ADAMTS16: variants seen among roughly 807,000 people sequenced by gnomAD.
ADAMTS16 encodes ADAM metallopeptidase with thrombospondin type 1 motif 16.
A neutral mutation model predicts 145.8 loss-of-function variants in ADAMTS16; 94 were observed. That is an observed-to-expected ratio of 0.64 (90% CI 0.55 to 0.77). The LOEUF (loss-of-function observed/expected upper bound fraction) is 0.77, where lower values mean the gene tolerates loss of function less well. ADAMTS16 is among the 30% of genes least tolerant of loss of function. The pLI, the probability that ADAMTS16 is intolerant of heterozygous loss-of-function variation, is 0.00. For missense variants in ADAMTS16, 1,585 were observed against 1,591.5 expected (o/e 1.00, Z 0.07); for synonymous variants, 659 against 604.3 (o/e 1.09, Z -1.33).
In ADAMTS16 at chr5:5,202,735, A is replaced by G. The variant is rs139494621; in HGVS notation, c.1451+2466A>G. Among the ~76,000 whole-genome samples, 367 of 152,330 alleles carry G rather than the reference A, an allele frequency of 2.4e-3. 2 individuals are homozygous for G. Among genetic ancestry groups the G allele is most frequent in the African/African-American group, 8.2e-3 (341 of 41,574 alleles). On this transcript the variant is annotated intron_variant, in intron 9 of 22. Transcript: ENST00000274181. The stretch of plus-strand genomic sequence containing the variant: ...TTAATCGTTATGAGGAAGATACAGT[A>G]ACACTTTTTCTATTTTGAAATATCC...
rs151301057 is a variant in ADAMTS16, at chr5:5,228,136, T to C, written c.1702-4232T>C. Among the ~76,000 whole-genome samples, 749 of 152,328 alleles carry C rather than the reference T, an allele frequency of 4.9e-3. 4 individuals carry two copies. The highest frequency in any genetic ancestry group is 0.017 in the African/African-American group (701 of 41,584). On this transcript the variant is annotated intron_variant, in intron 11 of 22. Coordinates refer to ENST00000274181, the MANE Select transcript of ADAMTS16 (RefSeq NM_139056.4). ...ACTTAAAATGCTGTTAAATAATCCC[T>C]AAACATCAAAGGCAGAATGAAACAT...
At chr5:5,168,636 AT>A (rs1385375121) in intron 3 of ADAMTS16, among the ~76,000 whole-genome samples, 3,017 of 52,044 alleles carry the variant, frequency 0.058, 133 homozygotes, top group African/African-American at 0.15. Flanking sequence ...TATATATAAT[AT>A]ATATAATTAT....
chr5:5,253,631 G>A (rs1028813097), intron 17 of ADAMTS16, among the ~76,000 whole-genome samples: 2 of 152,040 alleles, frequency 1.3e-5, no homozygotes, highest in Admixed American at 6.6e-5. Flanking sequence ...AATGCAACCC[G>A]CACTTCCTGC....
intron 8 of ADAMTS16, among the ~76,000 whole-genome samples, chr5:5,193,156 TGTGTGTGC>T (rs1300279570): frequency 7.7e-5 from 11 of 142,266 alleles, no homozygotes; most frequent in Non-Finnish European, 1.1e-4. Context: ...TGTGTGTGTG[TGTGTGTGC>T]GCGCGCGCAC....
intron 2 of ADAMTS16, among the ~76,000 whole-genome samples, chr5:5,143,327 C>G (rs1325422590): frequency 6.6e-6 from 1 of 152,046 alleles, no homozygotes; most frequent in Non-Finnish European, 1.5e-5. Context: ...AGTATATGAA[C>G]AGACAATTTT....
intron 2 of ADAMTS16, among the ~76,000 whole-genome samples, chr5:5,141,405 C>T (rs1172956861): frequency 6.6e-6 from 1 of 152,212 alleles, no homozygotes; most frequent in African/African-American, 2.4e-5. Context: ...CATGCTTTTA[C>T]TTCTGCCACT....
chr5:5,258,142 G>T (rs1027925860), intron 17 of ADAMTS16, among the ~76,000 whole-genome samples: 1 of 152,188 alleles, frequency 6.6e-6, no homozygotes, highest in South Asian at 2.1e-4. Context: ...GAGGTTGAAT[G>T]ACATCGGAAT....
At chr5:5,288,464 C>G (rs891406938) in intron 18 of ADAMTS16, among the ~76,000 whole-genome samples, 4 of 152,138 alleles carry the variant, frequency 2.6e-5, no homozygotes, top group African/African-American at 9.7e-5. Context: ...TAAGGGAAAC[C>G]TGTTTGGAAC....
intron 3 of ADAMTS16, among the ~76,000 whole-genome samples, chr5:5,151,802 A>G (rs528063622): frequency 1.3e-5 from 2 of 152,076 alleles, no homozygotes; most frequent in African/African-American, 4.8e-5. Context: ...ATTATTAAGT[A>G]TAGTCTTCCT....
intron 18 of ADAMTS16, among the ~76,000 whole-genome samples, chr5:5,284,812 T>G (rs1739048084): frequency 6.6e-6 from 1 of 152,228 alleles, no homozygotes; most frequent in African/African-American, 2.4e-5. Context: ...GAGGGGTTTG[T>G]AATTTTTCTG....
intron 3 of ADAMTS16, among the ~76,000 whole-genome samples, chr5:5,148,355 C>T (rs10462802): frequency 0.38 from 57,273 of 152,050 alleles, 11,937 homozygotes; most frequent in Middle Eastern, 0.56. Flanking sequence ...AGCCCAGGGG[C>T]GATCACTTTG....
chr5:5,243,733 G>A (rs1737360957), intron 17 of ADAMTS16, among the ~76,000 whole-genome samples: 1 of 152,180 alleles, frequency 6.6e-6, no homozygotes, highest in Admixed American at 6.5e-5. Flanking sequence ...TGTAGAGAAT[G>A]GCCAGTCGAT....
chr5:5,265,985 AGTGT>A (rs71604122), intron 18 of ADAMTS16, among the ~76,000 whole-genome samples: 23,674 of 140,898 alleles, frequency 0.17, 1,934 homozygotes, highest in Middle Eastern at 0.25. Flanking sequence ...GACTTAAAGA[AGTGT>A]GTGTGTGTGT....
At chr5:5,281,975 G>A (rs917789125) in intron 18 of ADAMTS16, among the ~76,000 whole-genome samples, 38 of 152,154 alleles carry the variant, frequency 2.5e-4, no homozygotes, top group Admixed American at 2.4e-3. Context: ...GTGTAATAAC[G>A]TGACAAGTTA....
At chr5:5,299,135 T>G (rs1023096247) in intron 18 of ADAMTS16, among the ~76,000 whole-genome samples, 3 of 152,268 alleles carry the variant, frequency 2.0e-5, no homozygotes, top group Non-Finnish European at 2.9e-5. Context: ...CCCATTGTTA[T>G]TCTCTGTCTT....
At chr5:5,141,116 G>T (rs557503169) in intron 2 of ADAMTS16, among the ~76,000 whole-genome samples, 1 of 152,006 alleles carries the variant, frequency 6.6e-6, no homozygotes, top group South Asian at 2.1e-4. Flanking sequence ...TTTCTTTTCC[G>T]TCCCCTTCTA....
intron 13 of ADAMTS16, among the ~76,000 whole-genome samples, 188 bp downstream of exon 13, chr5:5,235,374 T>C (rs901397776): frequency 6.6e-6 from 1 of 152,186 alleles, no homozygotes; most frequent in Non-Finnish European, 1.5e-5. Context: ...TTATCTAAAC[T>C]TCACCAGCGG....
intron 20 of ADAMTS16, 30 bp from the exon 21 acceptor site, chr5:5,306,474 C>T (rs377679809): frequency 1.2e-5 from 19 of 1,573,638 alleles, no homozygotes; most frequent in Non-Finnish European, 1.6e-5. Context: ...AGATTTTTTT[C>T]ACTGACTTCT....
chr5:5,140,934 G>A (rs1032087382), intron 2 of ADAMTS16, among the ~76,000 whole-genome samples, 168 bp downstream of exon 2: 1 of 151,918 alleles, frequency 6.6e-6, no homozygotes, highest in Admixed American at 6.6e-5. Context: ...GCCCCGATGA[G>A]TGGATTTCCA....
Sources: gnomAD v4.1 joint callset for allele counts (sites outside exome capture counted in the v4.1 genomes callset) on GRCh38, gnomAD v4.1.1 for gene constraint, MANE v1.5 for transcripts, NCBI Gene and HGNC (gene_info 2026-07-23, HGNC 2026-07-21) for gene names.